Variants in PCNT observed in about 807,000 individuals in gnomAD.
PCNT encodes the protein pericentrin.
PCNT carries 319 observed loss-of-function variants against 380.4 expected under a neutral mutation model. The observed-to-expected ratio is 0.84, with a 90% CI of 0.77 to 0.92. PCNT has a LOEUF of 0.92. PCNT is among the 40% of genes least tolerant of loss of function. The probability of loss-of-function intolerance (pLI) is 0.00; values close to 1 mark genes in which losing one functional copy is unlikely to be tolerated. For synonymous variants in PCNT, 1,845 were observed against 1,735.2 expected, an observed-to-expected ratio of 1.06 and a Z score of -1.57; for missense variants, 4,400 against 4,255.3, an observed-to-expected ratio of 1.03 and a Z score of -0.95.
At chr21:46,396,410 G>A (rs1171511777) in intron 21 of PCNT, among the ~76,000 whole-genome samples, 1 of 152,194 alleles carries the variant, frequency 6.6e-6, no homozygotes, top group Non-Finnish European at 1.5e-5. Context: ...TCATCCTGGG[G>A]CAGAGGCAGA....
At chr21:46,354,686 A>G (rs1052105153) in intron 11 of PCNT, among the ~76,000 whole-genome samples, 9 of 152,150 alleles carry the variant, frequency 5.9e-5, no homozygotes, top group African/African-American at 2.2e-4. Context: ...CGGTGGAACC[A>G]GTGGAGGGGA....
rs1303908668 is a variant in PCNT, at chr21:46,349,128, A to C, written c.1149A>C (p.Glu383Asp). 6.2e-7 allele frequency: 1 copy of C among 1,613,692 alleles called. No homozygotes were observed. Among genetic ancestry groups the C allele is most frequent in the African/African-American group, 1.3e-5 (1 of 74,932 alleles). ...MEDLQNQFQK[E>D]LAEQRAELEK... ...ATTTACAAAACCAGTTTCAGAAAGA[A>C]TTGGCAGAACAGAGAGCTGAGTTGG... is the stretch of plus-strand genomic sequence containing the variant. The change falls in exon 7 of 47, where the codon GAA (glutamate) becomes GAC (aspartate). Residue 383 changes from glutamate (E) to aspartate (D), a missense_variant. Glu to Asp is a conservative substitution (Grantham distance 45, BLOSUM62 2). Transcript: ENST00000359568.
intron 13 of PCNT, among the ~76,000 whole-genome samples, chr21:46,357,399 G>C (rs981671813): frequency 9.2e-5 from 14 of 152,220 alleles, no homozygotes; most frequent in Admixed American, 3.3e-4. Flanking sequence ...AATCTTGTCA[G>C]GGTCAGCACC....
At position 46,326,388 on chromosome 21, in the gene PCNT, C is replaced by G; in HGVS notation, c.66C>G (p.Phe22Leu). Residue 22 changes from phenylalanine to leucine, a missense_variant, in exon 2 of 47, where the codon TTC becomes TTG. Coordinates refer to ENST00000359568, the MANE Select transcript of PCNT (RefSeq NM_006031.6). The stretch of plus-strand genomic sequence containing the variant: ...ACATTTTTGCGCAGCTTGCTCACTT[C>G]CGACAGAGAAAAACAAAAGGTGACA... ...VEAGRTKLAH[F>L]RQRKTKGDSS... The G allele has an allele frequency of 6.2e-7, 1 of 1,614,126 alleles. No homozygotes were observed. Among genetic ancestry groups the G allele is most frequent in the Non-Finnish European group, 8.5e-7 (1 of 1,180,010 alleles).
chr21:46,390,365 T>C (rs1284255612), intron 19 of PCNT, among the ~76,000 whole-genome samples: 1 of 152,224 alleles, frequency 6.6e-6, no homozygotes, highest in African/African-American at 2.4e-5. Flanking sequence ...GAGGTAACTC[T>C]GGGTCTCAGC....
Position 46,324,252 on chromosome 21 carries a change from G to C in PCNT, c.24G>C (p.Arg8=), listed in dbSNP as rs375279759. 18 of 1,612,188 alleles carry C rather than the reference G, an allele frequency of 1.1e-5. No homozygotes were observed. The highest frequency in any genetic ancestry group is 3.3e-5 in the Admixed American group (2 of 59,840). The part of the protein sequence containing the change: MEVEQEQ[R]RRKVEAGRTK... ...AGATGGAAGTTGAGCAAGAGCAGCG[G>C]CGCAGAAAGGTGGAGGCCGGGAGGA... Residue 8 remains arginine, a synonymous_variant, in exon 1 of 47, where the codon CGG becomes CGC. Transcript: ENST00000359568.
chr21:46,324,905 G>A, intron 1 of PCNT: 1 of 985,514 alleles, frequency 1.0e-6, no homozygotes, highest in Non-Finnish European at 1.2e-6. Context: ...AGTCCTTACT[G>A]TGTGAAAGGC....
At chr21:46,409,231 C>T (rs2086711018) in intron 27 of PCNT, among the ~76,000 whole-genome samples, 1 of 143,370 alleles carries the variant, frequency 7.0e-6, no homozygotes, top group Non-Finnish European at 1.5e-5. Context: ...CTCTGTTGCC[C>T]AGGCTAGAGT....
At position 46,385,880 on chromosome 21, in the gene PCNT, T is replaced by C; in HGVS notation, c.3361T>C (p.Ser1121Pro). The C allele has an allele frequency of 6.2e-7, 1 of 1,614,130 alleles. No individual in the cohort carries two copies. Among genetic ancestry groups the C allele is most frequent in the Non-Finnish European group, 8.5e-7 (1 of 1,179,998 alleles). ...AAGTCACGAGATAGAAGAGTGCCGC[T>C]CCGAGTTGGAGGTGCTGCAGCAGAG... is the stretch of plus-strand genomic sequence containing the variant. The part of the protein sequence containing the change: ...SLSHEIEECR[S>P]ELEVLQQRRE... The change falls in exon 17 of 47, where the codon TCC becomes CCC. Residue 1121 changes from serine (S) to proline (P), a missense_variant. Transcript: ENST00000359568.
chr21:46,385,298 G>A (rs1299899924), intron 16 of PCNT, among the ~76,000 whole-genome samples: 3 of 152,264 alleles, frequency 2.0e-5, no homozygotes, highest in Non-Finnish European at 4.4e-5. Flanking sequence ...TGAGGCTACA[G>A]TGAGCTGTGA....
At chr21:46,360,520 C>CTTTTT (rs35679282) in intron 13 of PCNT, among the ~76,000 whole-genome samples, 1 of 122,736 alleles carries the variant, frequency 8.1e-6, no homozygotes, top group East Asian at 2.4e-4. Context: ...ACTGCGCCGG[C>CTTTTT]TTTTTTTTTT....
chr21:46,396,172 T>C (rs1353934271), intron 21 of PCNT, among the ~76,000 whole-genome samples: 1 of 152,266 alleles, frequency 6.6e-6, no homozygotes, highest in East Asian at 1.9e-4. Context: ...ATCTGCAGTT[T>C]CCACTTGGGC....
intron 20 of PCNT, 99 bp from the exon 21 acceptor site, chr21:46,391,065 C>G: frequency 7.9e-7 from 1 of 1,264,792 alleles, no homozygotes; most frequent in Middle Eastern, 1.9e-4. Flanking sequence ...CTTAGCTCTG[C>G]TGCTCTCAGG....
intron 16 of PCNT, among the ~76,000 whole-genome samples, chr21:46,384,393 G>T (rs1398220884): frequency 6.8e-6 from 1 of 147,434 alleles, no homozygotes; most frequent in Non-Finnish European, 1.5e-5. Context: ...CATTCACGGT[G>T]TTGTGCATTC....
In PCNT at chr21:46,432,987, C is replaced by A. The variant is rs989353716; in HGVS notation, c.8751+772C>A. 8.5e-5 allele frequency among the ~76,000 whole-genome samples: 13 copies of A among 152,086 alleles called. No individual in the cohort carries two copies. The East Asian group carries it at 2.5e-3, about 29-fold the overall frequency. Reference sequence around the variant, plus strand: ...TTGCTTTCAAAATATAAGTTTTATACTTTTGTTAAATTTATTTACTTATTT... The same window carrying A: ...TTGCTTTCAAAATATAAGTTTTATAATTTTGTTAAATTTATTTACTTATTT... On this transcript the variant is annotated intron_variant, in intron 38 of 46. Transcript: ENST00000359568.
chr21:46,381,647 T>G (rs375577090), intron 15 of PCNT, 47 bp from the exon 16 acceptor site: 52 of 1,570,202 alleles, frequency 3.3e-5, no homozygotes, highest in Non-Finnish European at 4.4e-5. Context: ...GCAAAGAAAG[T>G]ATTTTTCTAG....
At chr21:46,431,007 C>G (rs1329586027) in intron 37 of PCNT, 18 of 985,342 alleles carry the variant, frequency 1.8e-5, no homozygotes, top group Middle Eastern at 5.2e-4. Context: ...GGTGGGGCCT[C>G]TGCTTTGCAT....
At position 46,391,295 on chromosome 21, in the gene PCNT, CA is replaced by C; in HGVS notation, c.4136del (p.Gln1379ArgfsTer4). On this transcript the variant is annotated frameshift_variant, in exon 21 of 47. Transcript: ENST00000359568. LOFTEE classifies it high-confidence loss of function. The part of the protein sequence containing the change: ...RRQLQQAAQE[Q>X]AALREECTRL... The stretch of plus-strand genomic sequence containing the variant: ...GCAGCTGCAGCAGGCGGCCCAGGAG[CA>C]GGCGGCGCTGAGGGAGGAGTGCACC... 4 of 1,577,974 alleles carry C rather than the reference CA, an allele frequency of 2.5e-6. No homozygotes were observed. Among genetic ancestry groups the C allele is most frequent in the Non-Finnish European group, 3.4e-6 (4 of 1,161,926 alleles).
rs2087467519 is a variant in PCNT, at chr21:46,425,763, C to T, written c.7180-68C>T. 15 of 1,607,354 alleles carry T rather than the reference C, an allele frequency of 9.3e-6. No individual in the cohort carries two copies. In the South Asian group the frequency reaches 1.3e-4, roughly 14 times the overall value. On this transcript the variant is annotated intron_variant, in intron 32 of 46. Coordinates refer to ENST00000359568, the MANE Select transcript of PCNT (RefSeq NM_006031.6). The surrounding 1 kb of genome is among the most constrained non-coding windows in gnomAD (Gnocchi z 4.2). ...GAGTCCTGGCGGCAGCTCGGGGCCGCAGGTGGTGTAGAGCGTGGCTGTGTG... is the reference window on the plus strand; with the variant it reads ...GAGTCCTGGCGGCAGCTCGGGGCCGTAGGTGGTGTAGAGCGTGGCTGTGTG...
Sources: allele counts gnomAD v4.1 joint callset (sites outside exome capture counted in the v4.1 genomes callset), GRCh38; gene constraint gnomAD v4.1.1; non-coding constraint Gnocchi (gnomAD v3.1); transcripts MANE v1.5; gene names NCBI Gene and HGNC (gene_info 2026-07-23, HGNC 2026-07-21).